The following SLIT3 variants were observed in gnomAD, a reference collection of about 807,000 sequenced individuals.
SLIT3 encodes the protein slit guidance ligand 3, also known as slit homolog 3 protein.
SLIT3 carries 68 observed loss-of-function variants against 184.0 expected under a neutral mutation model. The ratio of observed to expected loss-of-function variants is 0.37; its 90% CI spans 0.30 to 0.45. The LOEUF (loss-of-function observed/expected upper bound fraction) is 0.45. Among genes scored for constraint, SLIT3 ranks in the 20% least tolerant of loss-of-function variants. The pLI is 1.00. For missense variants in SLIT3, 1,707 were observed against 2,026.0 expected (o/e 0.84, Z 3.02); for synonymous variants, 831 against 828.6 (o/e 1.00, Z -0.05).
At chr5:169,131,588 T>C (rs767063404) in intron 4 of SLIT3, among the ~76,000 whole-genome samples, 1 of 152,258 alleles carries the variant, frequency 6.6e-6, no homozygotes, top group Non-Finnish European at 1.5e-5. Context: ...AATTCTTTCC[T>C]GATTCTGCAG....
At chr5:168,728,061 T>C (rs1359153134) in intron 20 of SLIT3, among the ~76,000 whole-genome samples, 2 of 152,074 alleles carry the variant, frequency 1.3e-5, no homozygotes, top group Non-Finnish European at 2.9e-5. Context: ...TCTATGCTGC[T>C]CATTCTATGC....
Position 168,724,407 on chromosome 5 carries a change from G to A in SLIT3, c.2339+9C>T, listed in dbSNP as rs1267355985. ...AAATAAACATCCCACCCAATACTGG[G>A]CTCCTTACATAAGCGTCAGGTGTCG... On this transcript the variant is annotated intron_variant, in intron 21 of 35. Coordinates refer to ENST00000519560, the MANE Select transcript of SLIT3 (RefSeq NM_003062.4). 1 of 1,610,374 alleles carries A rather than the reference G, an allele frequency of 6.2e-7. No individual in the cohort carries two copies. The highest frequency in any genetic ancestry group is 8.5e-7 in the Non-Finnish European group (1 of 1,177,582).
intron 20 of SLIT3, among the ~76,000 whole-genome samples, chr5:168,728,909 C>A: frequency 6.7e-6 from 1 of 150,116 alleles, no homozygotes; most frequent in East Asian, 2.0e-4. Context: ...CAGAGTTAGA[C>A]TCTGTCTCAA....
intron 1 of SLIT3, among the ~76,000 whole-genome samples, chr5:169,288,821 A>T (rs1767246115): frequency 6.6e-6 from 1 of 152,218 alleles, no homozygotes. Flanking sequence ...TAAAAGATGC[A>T]TCTTGTTAAA....
chr5:168,881,669 C>A (rs938562453), intron 5 of SLIT3, among the ~76,000 whole-genome samples: 2 of 152,118 alleles, frequency 1.3e-5, no homozygotes, highest in Admixed American at 6.5e-5. Flanking sequence ...GTCTTGAGTT[C>A]TTGGAATGCA....
chr5:169,021,155 A>G (rs1181675019), intron 4 of SLIT3, among the ~76,000 whole-genome samples: 1 of 152,040 alleles, frequency 6.6e-6, no homozygotes, highest in East Asian at 1.9e-4. Flanking sequence ...AGATGTCTAC[A>G]CCCTGGAATG....
intron 20 of SLIT3, among the ~76,000 whole-genome samples, chr5:168,739,673 C>T (rs947423548): frequency 3.9e-5 from 6 of 152,106 alleles, no homozygotes; most frequent in East Asian, 1.9e-4. Context: ...AGGCTGGTCT[C>T]GACCTCAGCT....
chr5:169,254,614 CTAGCT>C (rs1765888061), intron 1 of SLIT3, among the ~76,000 whole-genome samples: 2 of 152,162 alleles, frequency 1.3e-5, no homozygotes, highest in Non-Finnish European at 2.9e-5. Context: ...GCTTCTGAGG[CTAGCT>C]TAGAAGAGGC....
chr5:169,181,517 G>A (rs550380993), intron 4 of SLIT3, among the ~76,000 whole-genome samples: 15 of 152,184 alleles, frequency 9.9e-5, no homozygotes, highest in Admixed American at 5.2e-4. Flanking sequence ...TGAGGTGGGC[G>A]GATCACGAGG....
At chr5:169,141,098 C>T in intron 4 of SLIT3, among the ~76,000 whole-genome samples, 1 of 152,186 alleles carries the variant, frequency 6.6e-6, no homozygotes, top group East Asian at 1.9e-4. Flanking sequence ...TCCTTCAAGA[C>T]TCAGCTCGAT....
chr5:168,844,500 C>A, intron 6 of SLIT3, 84 bp downstream of exon 6: 1 of 1,252,816 alleles, frequency 8.0e-7, no homozygotes, highest in Non-Finnish European at 1.2e-6. Flanking sequence ...CACACACTCT[C>A]CCCCTCTCTC....
At chr5:169,291,330 C>G (rs1355255848) in intron 1 of SLIT3, among the ~76,000 whole-genome samples, 2 of 152,172 alleles carry the variant, frequency 1.3e-5, no homozygotes, top group African/African-American at 4.8e-5. Flanking sequence ...ATCAGAACTA[C>G]TCTTGGAGGG....
At chr5:169,167,291 T>A (rs1220003435) in intron 4 of SLIT3, among the ~76,000 whole-genome samples, 3 of 142,738 alleles carry the variant, frequency 2.1e-5, no homozygotes, top group Non-Finnish European at 3.1e-5. Flanking sequence ...TTTTTTTTTT[T>A]TGAGATGGAG....
intron 4 of SLIT3, among the ~76,000 whole-genome samples, chr5:169,015,446 C>T (rs1228963379): frequency 2.0e-5 from 3 of 152,186 alleles, no homozygotes; most frequent in African/African-American, 7.2e-5. Flanking sequence ...AATATGCATG[C>T]ATTTGTGCAA....
chr5:168,807,009 G>A (rs554498825), intron 8 of SLIT3, among the ~76,000 whole-genome samples: 42 of 152,246 alleles, frequency 2.8e-4, no homozygotes, highest in Non-Finnish European at 4.4e-4. Flanking sequence ...TGCAAGCCAC[G>A]GGGCTATCAA....
intron 26 of SLIT3, among the ~76,000 whole-genome samples, chr5:168,704,513 T>C (rs1028226914): frequency 6.6e-6 from 1 of 152,226 alleles, no homozygotes; most frequent in Non-Finnish European, 1.5e-5. Context: ...GCTCTGGTTG[T>C]AGCTCATGCA....
chr5:168,721,661 A>G (rs1441966087), intron 23 of SLIT3, among the ~76,000 whole-genome samples: 2 of 152,346 alleles, frequency 1.3e-5, no homozygotes, highest in Admixed American at 6.5e-5. Flanking sequence ...AAGAATATAG[A>G]GAGTGGGATT....
At chr5:168,693,987 C>T (rs777555753) in intron 28 of SLIT3, among the ~76,000 whole-genome samples, 2 of 152,190 alleles carry the variant, frequency 1.3e-5, no homozygotes, top group Non-Finnish European at 2.9e-5. Context: ...ACCACAAAGC[C>T]TCATTCTGTA....
intron 20 of SLIT3, among the ~76,000 whole-genome samples, chr5:168,737,433 T>G (rs949097709): frequency 6.6e-6 from 1 of 152,096 alleles, no homozygotes; most frequent in East Asian, 1.9e-4. Flanking sequence ...CCCATCCTTT[T>G]CCTGTCTCCT....
Sources: allele counts gnomAD v4.1 joint callset (sites outside exome capture counted in the v4.1 genomes callset), GRCh38; gene constraint gnomAD v4.1.1; transcripts MANE v1.5; gene names NCBI Gene and HGNC (gene_info 2026-07-23, HGNC 2026-07-21).